Variants in KLK1 observed in about 807,000 individuals in gnomAD.
KLK1 encodes the protein kallikrein 1, also known as kallikrein-1.
Under a neutral mutation model 23.3 loss-of-function variants are expected in KLK1, and 22 were observed. The observed-to-expected ratio is 0.95, with a 90% CI of 0.68 to 1.35. The LOEUF (loss-of-function observed/expected upper bound fraction) is 1.35. Among genes scored for constraint, KLK1 ranks in the 40% most tolerant of loss-of-function variants. The probability of loss-of-function intolerance (pLI) is 0.00; values close to 1 mark genes in which losing one functional copy is unlikely to be tolerated. For missense variants in KLK1, 301 were observed against 338.9 expected, an observed-to-expected ratio of 0.89 and a Z score of 0.88; for synonymous variants, 140 against 135.8, an observed-to-expected ratio of 1.03 and a Z score of -0.21.
intron 1 of KLK1, chr19:50,822,626 C>T (rs373004478): frequency 4.1e-6 from 4 of 984,870 alleles, no homozygotes; most frequent in South Asian, 9.4e-5. Flanking sequence ...AACACAGTTG[C>T]GGTCAGGACT....
chr19:50,820,106 C>A, intron 3 of KLK1, 48 bp downstream of exon 3: 1 of 1,604,916 alleles, frequency 6.2e-7, no homozygotes, highest in Non-Finnish European at 8.5e-7. Flanking sequence ...CCCTTGGACG[C>A]AGGAGTCCCC....
At chr19:50,819,758 G>A in intron 4 of KLK1, 141 bp downstream of exon 4, 1 of 770,352 alleles carries the variant, frequency 1.3e-6, no homozygotes, top group Non-Finnish European at 2.1e-6. Flanking sequence ...GAAGGAGGGG[G>A]AGCTGGGGCA....
chr19:50,821,581 C>T lies in KLK1; in HGVS notation c.206+131G>A. 1.6e-6 allele frequency: 2 copies of T among 1,289,502 alleles called. No individual in the cohort carries two copies. Among genetic ancestry groups the T allele is most frequent in the Non-Finnish European group, 2.1e-6 (2 of 974,158 alleles). 79.9% of individuals were successfully genotyped at this position (1,289,502 alleles called of 1,614,324 possible). ...AGCCCAGCTCTGCCCTGCCAGGCGA[C>T]CTGCGCCAGAGCCTTCCTCTCTGCC... On this transcript the variant is annotated intron_variant, in intron 2 of 4. Transcript: ENST00000301420. This position sits in a 1 kb window ranked among gnomAD's most constrained non-coding sequence, Gnocchi z 5.6.
At chr19:50,820,511 T>TGGTG in intron 2 of KLK1, 68 bp from the exon 3 acceptor site, 5 of 135,876 alleles carry the variant, frequency 3.7e-5, no homozygotes, top group Non-Finnish European at 5.8e-5. Flanking sequence ...CAGGGGAGCA[T>TGGTG]GGGGGAGGGT....
At chr19:50,823,561 C>A in intron 1 of KLK1, 142 bp downstream of exon 1, 1 of 526,850 alleles carries the variant, frequency 1.9e-6, no homozygotes, top group South Asian at 3.5e-5. Context: ...AGATAAGAGC[C>A]GGGGCACCCC....
chr19:50,820,691 A>T (rs2659104), intron 2 of KLK1: 1 of 338,934 alleles, frequency 3.0e-6, no homozygotes, highest in Non-Finnish European at 5.4e-6. Context: ...AGAGGGGTGA[A>T]AAAGGCGGAG....
chr19:50,819,960 T>C lies in KLK1; in HGVS notation c.572A>G (p.Gln191Arg), dbSNP rs2089812142. ...PNDECKKAHVQKVTDFMLCVG... is the reference protein window; with the variant it reads ...PNDECKKAHVRKVTDFMLCVG... Reference sequence around the variant, plus strand: ...ACACAGCATGAAGTCTGTCACCTTCTGGACGTGGGCTTTTTTGCACTCATC... The same window carrying C: ...ACACAGCATGAAGTCTGTCACCTTCCGGACGTGGGCTTTTTTGCACTCATC... The change falls in exon 4 of 5, where the codon CAG becomes CGG. Residue 191 changes from glutamine to arginine, a missense_variant. By Grantham distance (43) the Gln-to-Arg change is conservative. Transcript: ENST00000301420. The C allele has an allele frequency of 1.9e-6, 3 of 1,614,110 alleles. No homozygotes were observed. The highest frequency in any genetic ancestry group is 2.5e-6 in the Non-Finnish European group (3 of 1,179,918).
Position 50,823,786 on chromosome 19 carries a change from C to G in KLK1, c.-38G>C. The G allele has an allele frequency of 1.3e-6, 2 of 1,585,520 alleles. No homozygotes were observed. Among genetic ancestry groups the G allele is most frequent in the Non-Finnish European group, 8.6e-7 (1 of 1,156,500 alleles). On this transcript the variant is annotated 5_prime_UTR_variant, in exon 1 of 5. Coordinates refer to ENST00000301420, the MANE Select transcript of KLK1 (RefSeq NM_002257.4). The stretch of plus-strand genomic sequence containing the variant: ...GTCCAGGGGCCAGCAGGTGGAGGAA[C>G]TGGGGAACCTCCCTGGGGAGGCTTT...
Position 50,820,351 on chromosome 19 carries a change from C to A in KLK1, c.299G>T (p.Gly100Val). ...GTTCTCCAGGAGGCTCATGTTGAAG[C>A]CAGGGTGTGGGAAGCTCTCACTGAC... ...VHVSESFPHP[G>V]FNMSLLENHT... Residue 100 changes from glycine (G) to valine (V), a missense_variant, in exon 3 of 5, where the codon GGC becomes GTC. Physicochemically the swap from Gly to Val is moderately radical, Grantham distance 109. Coordinates refer to ENST00000301420, the MANE Select transcript of KLK1 (RefSeq NM_002257.4). 1 of 1,613,926 alleles carries A rather than the reference C, an allele frequency of 6.2e-7. No homozygotes were observed. The highest frequency in any genetic ancestry group is 8.5e-7 in the Non-Finnish European group (1 of 1,179,988).
chr19:50,822,206 G>A (rs1256191656), intron 1 of KLK1: 2 of 1,051,150 alleles, frequency 1.9e-6, no homozygotes, highest in Non-Finnish European at 2.3e-6. Context: ...GGGATGGGAG[G>A]TGGTGGGTTA....
intron 1 of KLK1, 26 bp downstream of exon 1, chr19:50,823,677 C>T (rs561494934): frequency 2.0e-6 from 3 of 1,513,976 alleles, no homozygotes; most frequent in East Asian, 2.3e-5. Flanking sequence ...GCCCGTTCCC[C>T]CTCCCACATC....
At chr19:50,820,656 A>T (rs549517500) in intron 2 of KLK1, 10 of 475,268 alleles carry the variant, frequency 2.1e-5, no homozygotes, top group African/African-American at 1.8e-4. Flanking sequence ...ATGAAGAGAC[A>T]GAGCAAAAAA....
chr19:50,822,093 T>G, intron 1 of KLK1: 6 of 1,334,934 alleles, frequency 4.5e-6, no homozygotes, highest in Non-Finnish European at 5.7e-6. Flanking sequence ...GATTTTGTGC[T>G]CTGACAGTAG....
chr19:50,822,385 G>A, intron 1 of KLK1: 1 of 986,898 alleles, frequency 1.0e-6, no homozygotes, highest in African/African-American at 1.7e-5. Flanking sequence ...TAGGGAACCA[G>A]GTCTGAGAGG....
At chr19:50,819,755 G>A (rs2089810279) in intron 4 of KLK1, 144 bp downstream of exon 4, 3 of 754,468 alleles carry the variant, frequency 4.0e-6, no homozygotes, top group Admixed American at 4.8e-5. Context: ...GGGGAAGGAG[G>A]GGGAGCTGGG....
In KLK1 at chr19:50,821,812, G is replaced by C. The variant is rs1568480554; in HGVS notation, c.106C>G (p.Gln36Glu). The C allele has an allele frequency of 1.2e-6, 2 of 1,613,888 alleles. No individual in the cohort carries two copies. ...VGGWECEQHS[Q>E]PWQAALYHFS... ...TGGTACAGAGCCGCCTGCCAGGGCT[G>C]GGAATGCTGCTCACACTCCCAGCCT... The change falls in exon 2 of 5, where the codon CAG becomes GAG. Residue 36 changes from glutamine to glutamate, a missense_variant. Physicochemically the swap from Gln to Glu is conservative, Grantham distance 29. Transcript: ENST00000301420. The surrounding 1 kb of genome is among the most constrained non-coding windows in gnomAD (Gnocchi z 5.6).
Position 50,821,692 on chromosome 19 carries a change from G to C in KLK1, c.206+20C>G, listed in dbSNP as rs1225930141. 1.3e-6 allele frequency: 2 copies of C among 1,565,706 alleles called. No homozygotes were observed. Among genetic ancestry groups the C allele is most frequent in the African/African-American group, 1.4e-5 (1 of 73,632 alleles). On this transcript the variant is annotated intron_variant, in intron 2 of 4. Coordinates refer to ENST00000301420, the MANE Select transcript of KLK1 (RefSeq NM_002257.4). This position sits in a 1 kb window ranked among gnomAD's most constrained non-coding sequence, Gnocchi z 5.6. Reference sequence around the variant, plus strand: ...TGGCAGCATAGATGCCCTCCTCCCAGACCCCAGGCCCCTACTCACTCGCTG... The same window carrying C: ...TGGCAGCATAGATGCCCTCCTCCCACACCCCAGGCCCCTACTCACTCGCTG...
intron 2 of KLK1, 127 bp from the exon 3 acceptor site, chr19:50,820,570 A>T: frequency 1.5e-6 from 1 of 677,620 alleles, no homozygotes; most frequent in Non-Finnish European, 2.5e-6. Context: ...GCGGAGACAG[A>T]GGAAGAAAGA....
In KLK1 at chr19:50,821,714, G is replaced by A. The variant is rs374757703; in HGVS notation, c.204C>T (p.Ser68=). ...CCAGACCCCAGGCCCCTACTCACTC[G>A]CTGATGCAATGAGCAGCTGTGAGCA... is the stretch of plus-strand genomic sequence containing the variant. ...QWVLTAAHCI[S]DNYQLWLGRH... The change falls in exon 2 of 5, where the codon AGC becomes AGT. Residue 68 remains serine (S), a splice_region_variant and synonymous_variant. Coordinates refer to ENST00000301420, the MANE Select transcript of KLK1 (RefSeq NM_002257.4). The surrounding 1 kb of genome is among the most constrained non-coding windows in gnomAD (Gnocchi z 5.6). The A allele has an allele frequency of 1.8e-5, 29 of 1,606,432 alleles. No individual in the cohort carries two copies. The highest frequency in any genetic ancestry group is 2.7e-5 in the African/African-American group (2 of 74,788).
Sources: gnomAD v4.1 joint callset for allele counts on GRCh38, gnomAD v4.1.1 for gene constraint, Gnocchi (gnomAD v3.1) non-coding constraint, MANE v1.5 for transcripts, NCBI Gene and HGNC (gene_info 2026-07-23, HGNC 2026-07-21) for gene names.